Variants in ARHGEF10L observed in about 807,000 individuals in gnomAD.
ARHGEF10L encodes rho guanine nucleotide exchange factor 10-like protein.
A neutral mutation model predicts 141.2 loss-of-function variants in ARHGEF10L; 69 were observed. The observed-to-expected ratio is 0.49, with a 90% confidence interval of 0.40 to 0.60. ARHGEF10L has a LOEUF of 0.60. ARHGEF10L is among the 20% of genes least tolerant of loss of function. The pLI is 0.00. For missense variants in ARHGEF10L, 1,482 were observed against 1,734.3 expected (o/e 0.85, Z 2.58); for synonymous variants, 711 against 718.5 (o/e 0.99, Z 0.17).
At chr1:17,622,942 G>C (rs947278104) in intron 11 of ARHGEF10L, 54 bp from the exon 12 acceptor site, 11 of 1,563,524 alleles carry the variant, frequency 7.0e-6, no homozygotes, top group Non-Finnish European at 8.6e-6. Flanking sequence ...ATGAGGGCAG[G>C]TAGGGAGAGA....
chr1:17,524,416 CACACAA>C, the ARHGEF10L span, among the ~76,000 whole-genome samples: 5 of 132,256 alleles, frequency 3.8e-5, no homozygotes, highest in East Asian at 1.0e-3. Flanking sequence ...CACACACACA[CACACAA>C]AATTAGCCTG....
At chr1:17,649,362 A>G (rs1193088422) in intron 22 of ARHGEF10L, among the ~76,000 whole-genome samples, 1 of 152,164 alleles carries the variant, frequency 6.6e-6, no homozygotes, top group African/African-American at 2.4e-5. Flanking sequence ...CCCTCCATCT[A>G]GAGCAATTAC....
chr1:17,579,052 GCT>G (rs1302809957), intron 1 of ARHGEF10L, among the ~76,000 whole-genome samples: 1 of 151,954 alleles, frequency 6.6e-6, no homozygotes, highest in Non-Finnish European at 1.5e-5. Context: ...ACAGAGTCTT[GCT>G]CTGTTTCCCA....
At chr1:17,633,875 A>G (rs993954711) in intron 16 of ARHGEF10L, among the ~76,000 whole-genome samples, 3 of 152,186 alleles carry the variant, frequency 2.0e-5, no homozygotes, top group African/African-American at 7.2e-5. Context: ...GAGTCCTGGA[A>G]GGGGACAAGC....
Position 17,634,898 on chromosome 1 carries a change from GGCGCT to G in ARHGEF10L, c.1812_1816del (p.Leu605ProfsTer15), listed in dbSNP as rs1557885446. 1 of 1,613,986 alleles carries G rather than the reference GGCGCT, an allele frequency of 6.2e-7. No individual in the cohort carries two copies. Among genetic ancestry groups the G allele is most frequent in the East Asian group, 2.2e-5 (1 of 44,878 alleles). On this transcript the variant is annotated frameshift_variant, in exon 18 of 29. Transcript: ENST00000361221. LOFTEE classifies it high-confidence loss of function. ...CCAAGTATGTGGTGAAGTGGAACAC[GGCGCT>G]GCCCCAGGTGCAGGTGGTGGAGGTG... is the stretch of plus-strand genomic sequence containing the variant.
chr1:17,541,917 A>G (rs2076742353), intron 1 of ARHGEF10L, among the ~76,000 whole-genome samples: 1 of 152,118 alleles, frequency 6.6e-6, no homozygotes, highest in African/African-American at 2.4e-5. Flanking sequence ...CAGTGAGCCA[A>G]GATCGCACCA....
intron 1 of ARHGEF10L, among the ~76,000 whole-genome samples, chr1:17,579,438 G>T (rs1252680641): frequency 1.3e-5 from 2 of 152,142 alleles, no homozygotes; most frequent in Non-Finnish European, 2.9e-5. Context: ...TCGAACCCTG[G>T]CTCTTCCTAG....
chr1:17,514,614 T>C, the ARHGEF10L span, among the ~76,000 whole-genome samples: 1 of 152,202 alleles, frequency 6.6e-6, no homozygotes, highest in East Asian at 1.9e-4. Flanking sequence ...AAGAAATGAA[T>C]TGGGACACCC....
intron 3 of ARHGEF10L, 52 bp from the exon 4 acceptor site, chr1:17,588,394 C>G: frequency 1.2e-6 from 2 of 1,607,374 alleles, no homozygotes; most frequent in East Asian, 2.2e-5. Flanking sequence ...GGCCTGAGTG[C>G]CTGGGGCCAG....
At chr1:17,586,853 C>T (rs887603571) in intron 2 of ARHGEF10L, among the ~76,000 whole-genome samples, 3 of 152,008 alleles carry the variant, frequency 2.0e-5, no homozygotes, top group African/African-American at 4.8e-5. Flanking sequence ...GAAAGGGGTT[C>T]CCCAGGAGGG....
rs1335540615 is a variant in ARHGEF10L at position 17,687,641 on chromosome 1, C to G, written c.3078C>G (p.Val1026=). ...ACATGGTGAAGGCGGGCAGCGGCGT[C>G]TGGATGGCCTTCTCCTCCGGCACCT... The part of the protein sequence containing the change: ...VTHMVKAGSG[V]WMAFSSGTSI... Residue 1026 remains valine (V), a synonymous_variant, in exon 27 of 29, where the codon GTC becomes GTG. Transcript: ENST00000361221. The G allele has an allele frequency of 6.2e-7, 1 of 1,612,772 alleles. No homozygotes were observed.
intron 19 of ARHGEF10L, among the ~76,000 whole-genome samples, 190 bp downstream of exon 19, chr1:17,638,193 G>T (rs376739117): frequency 6.6e-6 from 1 of 152,236 alleles, no homozygotes; most frequent in Admixed American, 6.5e-5. Flanking sequence ...TTTTGCGGCC[G>T]CTGGTTCGGG....
intron 21 of ARHGEF10L, among the ~76,000 whole-genome samples, chr1:17,645,983 C>T (rs2061575167): frequency 6.6e-6 from 1 of 152,194 alleles, no homozygotes; most frequent in Admixed American, 6.5e-5. Context: ...CCTTTCCTCC[C>T]TGGTGGCAGG....
intron 26 of ARHGEF10L, 82 bp downstream of exon 26, chr1:17,664,677 C>T: frequency 7.2e-7 from 1 of 1,397,474 alleles, no homozygotes; most frequent in South Asian, 1.5e-5. Context: ...CCCGGCACCG[C>T]TTTCAGCTCC....
intron 1 of ARHGEF10L, among the ~76,000 whole-genome samples, chr1:17,579,429 C>T (rs936046789): frequency 3.3e-5 from 5 of 152,170 alleles, no homozygotes; most frequent in Non-Finnish European, 5.9e-5. Flanking sequence ...GGCCTGGGTT[C>T]GAACCCTGGC....
chr1:17,672,949 C>T (rs1260820202), intron 26 of ARHGEF10L, among the ~76,000 whole-genome samples: 1 of 152,068 alleles, frequency 6.6e-6, no homozygotes, highest in Non-Finnish European at 1.5e-5. Flanking sequence ...GGCCTCCAGG[C>T]CCCTCTCTCC....
chr1:17,672,896 A>C (rs1002246425), intron 26 of ARHGEF10L, among the ~76,000 whole-genome samples: 1 of 152,034 alleles, frequency 6.6e-6, no homozygotes, highest in East Asian at 1.9e-4. Flanking sequence ...GGTGAAGAGC[A>C]TCTCAAGGCA....
intron 2 of ARHGEF10L, among the ~76,000 whole-genome samples, chr1:17,585,177 A>T (rs2078919254): frequency 6.6e-6 from 1 of 152,200 alleles, no homozygotes; most frequent in South Asian, 2.1e-4. Context: ...GGGGTTGGGA[A>T]CTGCGTCCGA....
chr1:17,622,888 C>G (rs1318865737), intron 11 of ARHGEF10L, 108 bp from the exon 12 acceptor site: 9 of 1,214,188 alleles, frequency 7.4e-6, no homozygotes, highest in African/African-American at 1.5e-5. Flanking sequence ...AGTGCCTCCC[C>G]TCCGTGCCAC....
Sources: gnomAD v4.1 joint callset for allele counts (sites outside exome capture counted in the v4.1 genomes callset) on GRCh38, gnomAD v4.1.1 for gene constraint, MANE v1.5 for transcripts, NCBI Gene and HGNC (gene_info 2026-07-23, HGNC 2026-07-21) for gene names.